SUCLG2: variants seen among roughly 807,000 people sequenced by gnomAD.
SUCLG2 encodes succinate--CoA ligase [GDP-forming] subunit beta, mitochondrial.
A neutral mutation model predicts 47.9 loss-of-function variants in SUCLG2; 42 were observed. The observed-to-expected ratio is 0.88, with a 90% CI of 0.69 to 1.14. The LOEUF (loss-of-function observed/expected upper bound fraction) is 1.14, where lower values mean the gene tolerates loss of function less well. Among genes scored for constraint, SUCLG2 ranks in the 50% most tolerant of loss-of-function variants. The pLI, the probability that SUCLG2 is intolerant of heterozygous loss-of-function variation, is 0.00. For synonymous variants in SUCLG2, 195 were observed against 197.3 expected, an observed-to-expected ratio of 0.99 and a Z score of 0.10; for missense variants, 571 against 525.9, an observed-to-expected ratio of 1.09 and a Z score of -0.84.
chr3:67,482,127 C>T (rs1704933980), intron 9 of SUCLG2, among the ~76,000 whole-genome samples: 1 of 152,026 alleles, frequency 6.6e-6, no homozygotes, highest in South Asian at 2.1e-4. Flanking sequence ...TTGCAGTGAG[C>T]CAAGATCATG....
chr3:67,469,140 A>G (rs1704542584), intron 9 of SUCLG2, among the ~76,000 whole-genome samples: 1 of 152,198 alleles, frequency 6.6e-6, no homozygotes, highest in African/African-American at 2.4e-5. Context: ...ATTAAAGCAG[A>G]TGTATAAAAT....
chr3:67,408,562 T>G, intron 9 of SUCLG2: 1 of 942,140 alleles, frequency 1.1e-6, no homozygotes, highest in Non-Finnish European at 1.3e-6. Context: ...AGAGTCAAGT[T>G]TCCATTCAGG....
At chr3:67,598,581 A>G (rs539690648) in intron 2 of SUCLG2, among the ~76,000 whole-genome samples, 2 of 152,330 alleles carry the variant, frequency 1.3e-5, no homozygotes, top group Non-Finnish European at 2.9e-5. Context: ...TTTATTTTGT[A>G]TATGAAAAGT....
At chr3:67,536,392 C>G (rs1706542183) in intron 2 of SUCLG2, among the ~76,000 whole-genome samples, 1 of 152,212 alleles carries the variant, frequency 6.6e-6, no homozygotes, top group South Asian at 2.1e-4. Flanking sequence ...ATCTGTTCCT[C>G]TCTCAGACCC....
Position 67,360,748 on chromosome 3 carries a change from C to CTT in SUCLG2, c.1202_1203dup (p.Gly402LysfsTer7). The CTT allele has an allele frequency of 6.6e-7, 1 of 1,507,884 alleles. No individual in the cohort carries two copies. Among genetic ancestry groups the CTT allele is most frequent in the Non-Finnish European group, 8.8e-7 (1 of 1,132,980 alleles). 93.4% of individuals were successfully genotyped at this position (1,507,884 alleles called of 1,614,324 possible). ...TCTTGTTTTATGTGCATATAACTTC[C>CTT]TTTTTTTTCCATAAAAGTACCTGAA... is the stretch of plus-strand genomic sequence containing the variant. On this transcript the variant is annotated frameshift_variant, in exon 11 of 11. Transcript: ENST00000493112. LOFTEE classifies it low-confidence loss of function (END_TRUNC).
At chr3:67,491,459 C>T (rs368260722) in intron 9 of SUCLG2, among the ~76,000 whole-genome samples, 43 of 149,614 alleles carry the variant, frequency 2.9e-4, no homozygotes, top group African/African-American at 9.2e-4. Context: ...CCGCCTCCTG[C>T]GTTCAAGCAA....
At chr3:67,377,632 T>G (rs1372143757) in intron 10 of SUCLG2, among the ~76,000 whole-genome samples, 1 of 152,148 alleles carries the variant, frequency 6.6e-6, no homozygotes, top group East Asian at 1.9e-4. Flanking sequence ...GGAAGTCACC[T>G]TTTTGGTTCT....
chr3:67,480,619 C>T (rs1312406856), intron 9 of SUCLG2, among the ~76,000 whole-genome samples: 3 of 152,164 alleles, frequency 2.0e-5, no homozygotes, highest in South Asian at 2.1e-4. Flanking sequence ...CCTCCTGGGC[C>T]ACATTATTTT....
Position 67,394,070 on chromosome 3 carries a change from G to GA in SUCLG2, c.1183+6660dup, listed in dbSNP as rs986381234. On this transcript the variant is annotated intron_variant, in intron 10 of 10. Coordinates refer to ENST00000307227, the MANE Select transcript of SUCLG2 (RefSeq NM_003848.4). The stretch of plus-strand genomic sequence containing the variant: ...AAGTAGATAAAACCACAAAGATGGG[G>GA]AAAAAACAGAGCAGAAAAACTGGAA... Among the ~76,000 whole-genome samples the GA allele has an allele frequency of 1.9e-4, 29 of 152,134 alleles. No individual in the cohort carries two copies. The South Asian group carries it at 5.6e-3, about 29-fold the overall frequency.
chr3:67,443,945 G>C (rs1437792592), intron 9 of SUCLG2, among the ~76,000 whole-genome samples: 4 of 99,152 alleles, frequency 4.0e-5, no homozygotes, highest in African/African-American at 6.8e-5. Flanking sequence ...CAGCCACCCC[G>C]TCCGGGAGGG....
intron 7 of SUCLG2, among the ~76,000 whole-genome samples, chr3:67,503,064 A>G (rs12171290): frequency 0.021 from 3,195 of 152,314 alleles, 117 homozygotes; most frequent in African/African-American, 0.074. Flanking sequence ...ATTGGAACAT[A>G]GCCTCGTTCA....
chr3:67,562,216 C>T (rs958166467), intron 2 of SUCLG2, among the ~76,000 whole-genome samples: 1 of 152,072 alleles, frequency 6.6e-6, no homozygotes, highest in African/African-American at 2.4e-5. Context: ...GTCATAGTGG[C>T]ATTCCTTCAT....
At chr3:67,565,559 C>T (rs1400884272) in intron 2 of SUCLG2, among the ~76,000 whole-genome samples, 2 of 152,186 alleles carry the variant, frequency 1.3e-5, no homozygotes, top group African/African-American at 2.4e-5. Flanking sequence ...CCTTCATTGC[C>T]AACAGCATGA....
chr3:67,471,491 TC>T (rs1704604133), intron 9 of SUCLG2, among the ~76,000 whole-genome samples: 1 of 152,100 alleles, frequency 6.6e-6, no homozygotes, highest in African/African-American at 2.4e-5. Flanking sequence ...AACTTACCAC[TC>T]TATTGAAACC....
At chr3:67,397,917 G>T (rs1169293536) in intron 10 of SUCLG2, among the ~76,000 whole-genome samples, 1 of 150,838 alleles carries the variant, frequency 6.6e-6, no homozygotes. Context: ...GAAGCAATGG[G>T]GAAAGGATTC....
intron 2 of SUCLG2, among the ~76,000 whole-genome samples, chr3:67,606,380 G>GCC (rs1476170958): frequency 6.6e-6 from 1 of 152,192 alleles, no homozygotes; most frequent in Non-Finnish European, 1.5e-5. Context: ...GGGGTGAGGG[G>GCC]AGTAATCAGC....
chr3:67,643,995 G>C (rs1701147832), intron 1 of SUCLG2, among the ~76,000 whole-genome samples: 1 of 152,172 alleles, frequency 6.6e-6, no homozygotes, highest in Admixed American at 6.5e-5. Flanking sequence ...TAGTGGACCT[G>C]TGCTGCATTT....
At chr3:67,362,288 G>A (rs1328991961) in intron 10 of SUCLG2, among the ~76,000 whole-genome samples, 1 of 152,094 alleles carries the variant, frequency 6.6e-6, no homozygotes, top group Non-Finnish European at 1.5e-5. Context: ...TCTGCCTGGA[G>A]CTGTCTCTTA....
intron 10 of SUCLG2, among the ~76,000 whole-genome samples, chr3:67,380,775 AC>A (rs1285171338): frequency 6.6e-6 from 1 of 152,108 alleles, no homozygotes; most frequent in African/African-American, 2.4e-5. Context: ...AAAGGAACAG[AC>A]ATAAGAAAAA....
Sources: gnomAD v4.1 joint callset for allele counts (sites outside exome capture counted in the v4.1 genomes callset) on GRCh38, gnomAD v4.1.1 for gene constraint, MANE v1.5 for transcripts, NCBI Gene and HGNC (gene_info 2026-07-23, HGNC 2026-07-21) for gene names.